ITPKB: variants seen among roughly 807,000 people sequenced by gnomAD.
The protein encoded by ITPKB is IP3 3-kinase B.
A neutral mutation model predicts 69.4 loss-of-function variants in ITPKB; 13 were observed. That is an observed-to-expected ratio of 0.19 (90% confidence interval 0.12 to 0.30). The LOEUF (loss-of-function observed/expected upper bound fraction) is 0.30. Among genes scored for constraint, ITPKB ranks in the 10% least tolerant of loss-of-function variants. The pLI, the probability that ITPKB is intolerant of heterozygous loss-of-function variation, is 1.00. For synonymous variants in ITPKB, 584 were observed against 513.7 expected, an observed-to-expected ratio of 1.14 and a Z score of -1.85; for missense variants, 1,240 against 1,250.5, an observed-to-expected ratio of 0.99 and a Z score of 0.13.
intron 2 of ITPKB, among the ~76,000 whole-genome samples, chr1:226,652,996 C>T (rs981819945): frequency 2.0e-5 from 3 of 152,136 alleles, no homozygotes; most frequent in Admixed American, 6.5e-5. Flanking sequence ...TGTCATCTCT[C>T]GGGGAGATAG....
In ITPKB at chr1:226,642,245, CA is replaced by C. The variant is rs1352583173; in HGVS notation, c.2247-121del. The C allele has an allele frequency of 9.2e-6, 7 of 763,590 alleles. No homozygotes were observed. The Admixed American group carries it at 1.5e-4, about 16-fold the overall frequency. The allele number at this position is 763,590 out of a possible 1,614,324, so 47.3% of individuals were successfully genotyped here. A position where few individuals can be genotyped will look rare whatever the true frequency, so the allele number is the denominator to read the frequency against. The stretch of plus-strand genomic sequence containing the variant: ...TGTTGCCCAACAGCTGCAGTCAGCT[CA>C]GTGCCCTGAGTCAAGGCACGTCTTT... On this transcript the variant is annotated intron_variant, in intron 4 of 7. Coordinates refer to ENST00000429204, the MANE Select transcript of ITPKB (RefSeq NM_002221.4). This position sits in a 1 kb window ranked among gnomAD's most constrained non-coding sequence, Gnocchi z 6.4.
Position 226,642,972 on chromosome 1 carries a change from A to G in ITPKB, c.2247-847T>C, listed in dbSNP as rs1483337877. On this transcript the variant is annotated intron_variant, in intron 4 of 7. Transcript: ENST00000429204. The surrounding 1 kb of genome is among the most constrained non-coding windows in gnomAD (Gnocchi z 6.4). ...ATGGAGAAGGCCGTATTGTGGGGGA[A>G]AGGCAGGGGGCTCCCTCAGCCTCTG... 6.6e-6 allele frequency among the ~76,000 whole-genome samples: 1 copy of G among 152,136 alleles called. No individual in the cohort carries two copies. The highest frequency in any genetic ancestry group is 6.5e-5 in the Admixed American group (1 of 15,276).
chr1:226,693,164 A>G (rs1408345917), intron 2 of ITPKB, among the ~76,000 whole-genome samples: 1 of 152,254 alleles, frequency 6.6e-6, no homozygotes, highest in Admixed American at 6.5e-5. Flanking sequence ...GTGAGCAGAC[A>G]GCACCCAGCT....
chr1:226,670,175 C>CAAAAAAAAAAAAA (rs35767912), intron 2 of ITPKB, among the ~76,000 whole-genome samples: 1 of 32,002 alleles, frequency 3.1e-5, no homozygotes, highest in Non-Finnish European at 6.4e-5. Context: ...AGCTCCGCCG[C>CAAAAAAAAAAAAA]AAAAAAAAAA....
chr1:226,680,287 A>G (rs12095028), intron 2 of ITPKB, among the ~76,000 whole-genome samples: 7,767 of 152,270 alleles, frequency 0.051, 493 homozygotes, highest in African/African-American at 0.13. Flanking sequence ...CCAAATCAGC[A>G]TGACCCCAAA....
chr1:226,728,082 GA>G (rs899263113), intron 2 of ITPKB, among the ~76,000 whole-genome samples: 3 of 151,698 alleles, frequency 2.0e-5, no homozygotes, highest in Non-Finnish European at 2.9e-5. Context: ...CAAAGATGGG[GA>G]AAAAAAACAT....
At chr1:226,703,061 G>C (rs1292032004) in intron 2 of ITPKB, among the ~76,000 whole-genome samples, 1 of 152,124 alleles carries the variant, frequency 6.6e-6, no homozygotes, top group Non-Finnish European at 1.5e-5. Flanking sequence ...ATTGAGGTCT[G>C]ACAAGAACCC....
At chr1:226,674,060 G>A (rs1267169227) in intron 2 of ITPKB, among the ~76,000 whole-genome samples, 1 of 152,072 alleles carries the variant, frequency 6.6e-6, no homozygotes, top group African/African-American at 2.4e-5. Flanking sequence ...CACTAACTCC[G>A]GGGTGATCAG....
At chr1:226,704,360 T>G (rs549820437) in intron 2 of ITPKB, among the ~76,000 whole-genome samples, 2 of 152,184 alleles carry the variant, frequency 1.3e-5, no homozygotes, top group African/African-American at 4.8e-5. Context: ...AACATTAATA[T>G]AACCAAGACT....
At position 226,632,130 on chromosome 1, in the gene ITPKB, A is replaced by G. The variant is rs1668741448; in HGVS notation, c.*2541T>C. ...ATATAACTTAAAAATGTCTTACATG[A>G]CACTAAAGGCAAGCCTGGGAAAAGC... is the stretch of plus-strand genomic sequence containing the variant. On this transcript the variant is annotated 3_prime_UTR_variant, in exon 8 of 8. Coordinates refer to ENST00000429204, the MANE Select transcript of ITPKB (RefSeq NM_002221.4). 1 of 152,686 alleles carries G rather than the reference A, an allele frequency of 6.5e-6. No homozygotes were observed. The highest frequency in any genetic ancestry group is 2.4e-5 in the African/African-American group (1 of 41,470). The allele number at this position is 152,686 out of a possible 1,614,324, so 9.5% of individuals were successfully genotyped here.
rs745974661 is a variant in ITPKB, at chr1:226,648,723, C to T, written c.1981G>A (p.Val661Ile). The T allele has an allele frequency of 1.1e-5, 18 of 1,613,238 alleles. No individual in the cohort carries two copies. Among genetic ancestry groups the T allele is most frequent in the South Asian group, 2.2e-5 (2 of 91,062 alleles). The change falls in exon 3 of 8, where the codon GTC (valine) becomes ATC (isoleucine). Residue 661 changes from valine (V) to isoleucine (I), a missense_variant. Physicochemically the swap from Val to Ile is conservative, Grantham distance 29 (BLOSUM62 3). This residue lies in a region of ITPKB where 248 missense variants were observed against 396.7 expected (regional missense o/e 0.63). Coordinates refer to ENST00000429204, the MANE Select transcript of ITPKB (RefSeq NM_002221.4). ...IKNMVHWSPF[V>I]MSFKKKYPWI... is the part of the protein sequence containing the mutation. ...GGGTACTTCTTCTTGAAGGACATGA[C>T]GAAGGGAGACCAGTGCACCATGTTT...
intron 2 of ITPKB, among the ~76,000 whole-genome samples, chr1:226,726,771 C>T (rs915726805): frequency 7.2e-5 from 11 of 152,084 alleles, no homozygotes; most frequent in African/African-American, 2.7e-4. Flanking sequence ...ATGTCCCCTA[C>T]ACTGGCGAAT....
intron 2 of ITPKB, among the ~76,000 whole-genome samples, chr1:226,675,695 C>T (rs1225607857): frequency 6.6e-6 from 1 of 152,190 alleles, no homozygotes; most frequent in African/African-American, 2.4e-5. Context: ...ATATTGTTTA[C>T]TGCTCTGCTC....
intron 2 of ITPKB, among the ~76,000 whole-genome samples, chr1:226,728,732 A>G (rs1338382200): frequency 1.3e-5 from 2 of 152,154 alleles, no homozygotes; most frequent in South Asian, 4.1e-4. Flanking sequence ...TTTTATAAAC[A>G]TGACATAATT....
intron 2 of ITPKB, among the ~76,000 whole-genome samples, chr1:226,698,420 G>A (rs1375104048): frequency 6.6e-6 from 1 of 152,202 alleles, no homozygotes; most frequent in Non-Finnish European, 1.5e-5. Flanking sequence ...GCCAATTAGA[G>A]GAGGACCAAC....
intron 2 of ITPKB, among the ~76,000 whole-genome samples, chr1:226,685,190 G>A (rs570009321): frequency 4.6e-5 from 7 of 152,260 alleles, no homozygotes; most frequent in South Asian, 4.1e-4. Context: ...CTCCATCTGC[G>A]GACGCCCCTT....
chr1:226,711,588 T>C (rs1322009382), intron 2 of ITPKB, among the ~76,000 whole-genome samples: 2 of 152,222 alleles, frequency 1.3e-5, no homozygotes, highest in Non-Finnish European at 1.5e-5. Flanking sequence ...ATGACAATCA[T>C]GGGTTGTTTG....
Position 226,736,101 on chromosome 1 carries a change from A to C in ITPKB, c.1358T>G (p.Leu453Arg). 1 of 1,606,172 alleles carries C rather than the reference A, an allele frequency of 6.2e-7. No individual in the cohort carries two copies. Among genetic ancestry groups the C allele is most frequent in the Non-Finnish European group, 8.5e-7 (1 of 1,175,660 alleles). Residue 453 changes from leucine (L) to arginine (R), a missense_variant, in exon 2 of 8, where the codon CTT (leucine) becomes CGT (arginine). Transcript: ENST00000429204. The part of the protein sequence containing the change: ...VEGGSPTLGL[L>R]GGSPSAQPGT... ...CGGCTGTGCTGAGGGGCTGCCCCCA[A>C]GCAAGCCCAGCGTTGGGGACCCTCC...
At chr1:226,734,380 T>C (rs899375221) in intron 2 of ITPKB, among the ~76,000 whole-genome samples, 1 of 152,210 alleles carries the variant, frequency 6.6e-6, no homozygotes, top group African/African-American at 2.4e-5. Context: ...CCAAAATACC[T>C]TAGTGAAGAA....
Sources: allele counts gnomAD v4.1 joint callset (sites outside exome capture counted in the v4.1 genomes callset), GRCh38; gene constraint gnomAD v4.1.1; regional missense constraint gnomAD v4.1.1; non-coding constraint Gnocchi (gnomAD v3.1); transcripts MANE v1.5; gene names NCBI Gene and HGNC (gene_info 2026-07-23, HGNC 2026-07-21).